Variants in BTBD9 observed in about 807,000 individuals in gnomAD.
BTBD9 encodes BTB domain containing 9.
Under a neutral mutation model 64.3 loss-of-function variants are expected in BTBD9, and 49 were observed. The observed-to-expected ratio is 0.76, with a 90% CI of 0.61 to 0.97. The LOEUF (loss-of-function observed/expected upper bound fraction) is 0.97. BTBD9 is among the 50% of genes least tolerant of loss of function. The probability of loss-of-function intolerance (pLI) is 0.00; values close to 1 mark genes in which losing one functional copy is unlikely to be tolerated. For synonymous variants in BTBD9, 260 were observed against 274.7 expected (o/e 0.95, Z 0.53); for missense variants, 598 against 762.1 (o/e 0.78, Z 2.53).
chr6:38,476,983 C>T (rs1275204658), intron 6 of BTBD9, among the ~76,000 whole-genome samples: 1 of 152,176 alleles, frequency 6.6e-6, no homozygotes, highest in Non-Finnish European at 1.5e-5. Context: ...AGCAACAACA[C>T]TACATGGGGC....
intron 6 of BTBD9, among the ~76,000 whole-genome samples, chr6:38,473,908 T>C (rs1194025753): frequency 6.6e-6 from 1 of 152,114 alleles, no homozygotes; most frequent in Non-Finnish European, 1.5e-5. Flanking sequence ...GTAAGCTAGA[T>C]GAAGACTAGG....
chr6:38,613,384 G>A (rs901940647), intron 1 of BTBD9, among the ~76,000 whole-genome samples: 2 of 152,178 alleles, frequency 1.3e-5, no homozygotes, highest in Non-Finnish European at 2.9e-5. Flanking sequence ...AACTTTGGGA[G>A]GCCAAGGCAG....
At chr6:38,587,267 C>A in intron 4 of BTBD9, 1 of 317,762 alleles carries the variant, frequency 3.1e-6, no homozygotes, top group Non-Finnish European at 6.3e-6. Flanking sequence ...GCGGTGGTGG[C>A]CTCCACAAGC....
intron 6 of BTBD9, among the ~76,000 whole-genome samples, chr6:38,424,599 C>T (rs1768062339): frequency 1.3e-5 from 2 of 151,896 alleles, no homozygotes; most frequent in Admixed American, 6.5e-5. Flanking sequence ...TCATTGCAAC[C>T]GCTGCCTCCC....
chr6:38,498,784 C>T (rs1362134332), intron 6 of BTBD9, among the ~76,000 whole-genome samples: 6 of 152,190 alleles, frequency 3.9e-5, no homozygotes, highest in African/African-American at 9.6e-5. Flanking sequence ...CTTTGGTAAC[C>T]CCCCACGCCC....
At chr6:38,179,382 A>T in intron 10 of BTBD9, 1 of 454,930 alleles carries the variant, frequency 2.2e-6, no homozygotes, top group South Asian at 1.6e-5. Context: ...GATAAAGGAG[A>T]GCGCCCACAA....
chr6:38,293,549 C>CA (rs1440951641), intron 7 of BTBD9, among the ~76,000 whole-genome samples: 8 of 152,076 alleles, frequency 5.3e-5, no homozygotes, highest in African/African-American at 1.9e-4. Flanking sequence ...ACAAACCTGA[C>CA]AAAAACAAGC....
intron 6 of BTBD9, among the ~76,000 whole-genome samples, chr6:38,559,855 T>G (rs1335201635): frequency 1.3e-5 from 2 of 152,186 alleles, no homozygotes; most frequent in Non-Finnish European, 2.9e-5. Flanking sequence ...TAAACAGTGC[T>G]GGGATAACTG....
chr6:38,447,391 T>C (rs1769322658), intron 6 of BTBD9, among the ~76,000 whole-genome samples: 1 of 152,198 alleles, frequency 6.6e-6, no homozygotes, highest in Non-Finnish European at 1.5e-5. Context: ...CAAAAGACAT[T>C]GCAAATAATT....
At chr6:38,391,713 T>C (rs980169951) in intron 6 of BTBD9, among the ~76,000 whole-genome samples, 8 of 151,948 alleles carry the variant, frequency 5.3e-5, no homozygotes, top group African/African-American at 1.9e-4. Context: ...GCCAAAACAA[T>C]GTCTGATCCT....
intron 6 of BTBD9, among the ~76,000 whole-genome samples, chr6:38,557,469 C>T (rs1201221364): frequency 4.6e-5 from 7 of 152,232 alleles, no homozygotes; most frequent in Non-Finnish European, 1.0e-4. Flanking sequence ...GCCTCAGTTT[C>T]CTCATTTGTG....
Position 38,334,508 on chromosome 6 carries a change from G to A in BTBD9, c.1264+10476C>T, listed in dbSNP as rs115306564. ...CCAGGAGGCGGAGGTTGTAGTCAGCGGAGGTTGTAGTGGTTGCACCACTGC... is the reference window on the plus strand; with the variant it reads ...CCAGGAGGCGGAGGTTGTAGTCAGCAGAGGTTGTAGTGGTTGCACCACTGC... On this transcript the variant is annotated intron_variant, in intron 7 of 10. Coordinates refer to ENST00000481247, the MANE Select transcript of BTBD9 (RefSeq NM_001099272.2). Among the ~76,000 whole-genome samples the A allele has an allele frequency of 5.7e-3, 871 of 151,824 alleles. 7 individuals are homozygous for A. The highest frequency in any genetic ancestry group is 0.02 in the African/African-American group (812 of 41,418).
intron 1 of BTBD9, among the ~76,000 whole-genome samples, chr6:38,610,977 T>C (rs1467398858): frequency 1.3e-5 from 2 of 152,170 alleles, no homozygotes; most frequent in Middle Eastern, 3.4e-3. Flanking sequence ...AGTGCATCTA[T>C]ACAATATAGC....
At chr6:38,350,300 G>A (rs1005238836) in intron 6 of BTBD9, among the ~76,000 whole-genome samples, 5 of 152,134 alleles carry the variant, frequency 3.3e-5, no homozygotes, top group South Asian at 2.1e-4. Context: ...TTATGAGGAT[G>A]CTACTAGATT....
intron 6 of BTBD9, among the ~76,000 whole-genome samples, chr6:38,395,706 GTTTT>G (rs112512335): frequency 6.9e-6 from 1 of 144,892 alleles, no homozygotes; most frequent in Non-Finnish European, 1.5e-5. Context: ...AATGTTTACT[GTTTT>G]TTTTTTTTTG....
At chr6:38,357,992 T>A (rs1024285161) in intron 6 of BTBD9, among the ~76,000 whole-genome samples, 1 of 152,190 alleles carries the variant, frequency 6.6e-6, no homozygotes, top group Middle Eastern at 3.4e-3. Context: ...AAGATTCAAA[T>A]CATTGAGTAA....
chr6:38,532,624 C>T (rs1308502342), intron 6 of BTBD9, among the ~76,000 whole-genome samples: 1 of 152,070 alleles, frequency 6.6e-6, no homozygotes, highest in East Asian at 1.9e-4. Context: ...CAGTCAGAGT[C>T]CTCAGGCCCC....
At chr6:38,301,001 A>G (rs1762375167) in intron 7 of BTBD9, among the ~76,000 whole-genome samples, 1 of 152,190 alleles carries the variant, frequency 6.6e-6, no homozygotes, top group Non-Finnish European at 1.5e-5. Flanking sequence ...TGGGTTTGTC[A>G]TAGATAGCTC....
intron 6 of BTBD9, among the ~76,000 whole-genome samples, chr6:38,521,296 G>T (rs1773263007): frequency 6.6e-6 from 1 of 152,060 alleles, no homozygotes; most frequent in Non-Finnish European, 1.5e-5. Flanking sequence ...ACAAGTTTAA[G>T]AAATAAATGA....
Sources: allele counts gnomAD v4.1 joint callset (sites outside exome capture counted in the v4.1 genomes callset), GRCh38; gene constraint gnomAD v4.1.1; transcripts MANE v1.5; gene names NCBI Gene and HGNC (gene_info 2026-07-23, HGNC 2026-07-21).